PRKN: variants seen among roughly 807,000 people sequenced by gnomAD.
PRKN encodes the protein E3 ubiquitin-protein ligase parkin.
In PRKN, 56 loss-of-function variants were observed where a neutral mutation model predicts 59.5. The ratio of observed to expected loss-of-function variants is 0.94; its 90% CI spans 0.76 to 1.18. The LOEUF (loss-of-function observed/expected upper bound fraction) is 1.18, where lower values mean the gene tolerates loss of function less well. Ranked by LOEUF, PRKN falls within the 50% of genes most tolerant of loss-of-function variation. The pLI is 0.00. For synonymous variants in PRKN, 250 were observed against 222.1 expected (o/e 1.13, Z -1.12); for missense variants, 657 against 596.4 (o/e 1.10, Z -1.06).
At chr6:161,908,653 A>C (rs1013870200) in intron 6 of PRKN, among the ~76,000 whole-genome samples, 3 of 128,538 alleles carry the variant, frequency 2.3e-5, no homozygotes, top group African/African-American at 9.0e-5. Context: ...AAATCAGTGA[A>C]GTTCTTTTCA....
At chr6:162,150,359 T>C (rs1032373560) in intron 4 of PRKN, among the ~76,000 whole-genome samples, 1 of 152,166 alleles carries the variant, frequency 6.6e-6, no homozygotes, top group Non-Finnish European at 1.5e-5. Flanking sequence ...TTTCTGCTCC[T>C]GATTTATATG....
intron 1 of PRKN, among the ~76,000 whole-genome samples, chr6:162,644,343 A>G (rs1014799818): frequency 4.6e-5 from 7 of 152,158 alleles, no homozygotes; most frequent in Admixed American, 4.6e-4. Flanking sequence ...ACTTGGCAGT[A>G]GCAATCAGGG....
At chr6:162,039,985 A>G (rs1190334868) in intron 5 of PRKN, among the ~76,000 whole-genome samples, 1 of 152,216 alleles carries the variant, frequency 6.6e-6, no homozygotes, top group African/African-American at 2.4e-5. Context: ...TTTAAACAGG[A>G]TTAAATTAAA....
chr6:162,651,548 T>C (rs901295430), intron 1 of PRKN, among the ~76,000 whole-genome samples: 1 of 152,168 alleles, frequency 6.6e-6, no homozygotes, highest in South Asian at 2.1e-4. Context: ...CCGTACCGAA[T>C]TGGTAATTAT....
At chr6:161,861,721 ACAATCTGTTTTTTC>A (rs1300939000) in intron 6 of PRKN, among the ~76,000 whole-genome samples, 1 of 151,968 alleles carries the variant, frequency 6.6e-6, no homozygotes, top group Non-Finnish European at 1.5e-5. Context: ...GAAATGTCTC[ACAATCTGTTTTTTC>A]CATTCAACTA....
intron 9 of PRKN, among the ~76,000 whole-genome samples, chr6:161,481,179 AT>A (rs1791377819): frequency 1.3e-5 from 2 of 152,210 alleles, no homozygotes; most frequent in Admixed American, 1.3e-4. Context: ...CCGTATCAAG[AT>A]TTTTTTAGAA....
chr6:161,895,337 T>C (rs759349473), intron 6 of PRKN, among the ~76,000 whole-genome samples: 1 of 152,138 alleles, frequency 6.6e-6, no homozygotes. Flanking sequence ...ACCCCTTCCA[T>C]GGAGGGCTCA....
At chr6:162,279,473 G>GAGAAA (rs60648529) in intron 2 of PRKN, among the ~76,000 whole-genome samples, 59 of 151,906 alleles carry the variant, frequency 3.9e-4, no homozygotes, top group South Asian at 8.3e-4. Flanking sequence ...GAGAAGAGAA[G>GAGAAA]AGAAAAGAAA....
chr6:162,228,565 T>C (rs1352571776), intron 3 of PRKN, among the ~76,000 whole-genome samples: 7 of 152,208 alleles, frequency 4.6e-5, no homozygotes, highest in Non-Finnish European at 1.0e-4. Flanking sequence ...TCTTAGTCCA[T>C]TGATCACTCA....
chr6:161,731,897 AGGT>A (rs1787728568), intron 7 of PRKN, among the ~76,000 whole-genome samples: 1 of 152,188 alleles, frequency 6.6e-6, no homozygotes. Flanking sequence ...CTTGGTAGAA[AGGT>A]GTATGTTTCA....
At chr6:161,927,597 CAT>C (rs773528843) in intron 6 of PRKN, among the ~76,000 whole-genome samples, 3 of 151,898 alleles carry the variant, frequency 2.0e-5, no homozygotes, top group African/African-American at 4.8e-5. Flanking sequence ...TTAAAAGAAA[CAT>C]ATTTTAGGAA....
intron 3 of PRKN, among the ~76,000 whole-genome samples, chr6:162,219,748 C>T (rs1050524645): frequency 1.3e-5 from 2 of 152,056 alleles, no homozygotes; most frequent in African/African-American, 2.4e-5. Flanking sequence ...TGAGTAAATA[C>T]ATTTTAGAGA....
intron 7 of PRKN, among the ~76,000 whole-genome samples, chr6:161,648,770 T>G (rs1037043764): frequency 6.6e-6 from 1 of 152,196 alleles, no homozygotes; most frequent in Non-Finnish European, 1.5e-5. Flanking sequence ...AACTTAAGCA[T>G]TCAAGCCCAG....
chr6:161,743,308 C>T (rs2128192021), intron 7 of PRKN, among the ~76,000 whole-genome samples: 1 of 147,642 alleles, frequency 6.8e-6, no homozygotes, highest in South Asian at 2.2e-4. Flanking sequence ...CAAGCTCCGC[C>T]TCCCGGGTTC....
intron 7 of PRKN, among the ~76,000 whole-genome samples, chr6:161,644,215 T>C (rs1303459346): frequency 6.6e-6 from 1 of 152,174 alleles, no homozygotes; most frequent in Non-Finnish European, 1.5e-5. Flanking sequence ...AAAACCCAAA[T>C]TCCCTGACCC....
rs1024359585 is a variant in PRKN, at chr6:161,525,801, G to C, written c.1083+23053C>G. Among the ~76,000 whole-genome samples, 3 of 152,040 alleles carry C rather than the reference G, an allele frequency of 2.0e-5. No individual in the cohort carries two copies. Among genetic ancestry groups the C allele is most frequent in the African/African-American group, 7.2e-5 (3 of 41,408 alleles). ...TAATTATAGATGCTAAAAATGTTCT[G>C]TATACTACTTGGCTATAGAATAGCC... is the stretch of plus-strand genomic sequence containing the variant. On this transcript the variant is annotated intron_variant, in intron 9 of 11. Transcript: ENST00000366898. The surrounding 1 kb of genome is among the most constrained non-coding windows in gnomAD (Gnocchi z 4.7).
In PRKN at chr6:161,357,169, A is replaced by G. The variant is rs1784789653; in HGVS notation, c.1285+2919T>C. On this transcript the variant is annotated intron_variant, in intron 11 of 11. Transcript: ENST00000366898. The surrounding 1 kb of genome is among the most constrained non-coding windows in gnomAD (Gnocchi z 5.5). ...CAGGTTCAAGTAATTCTCCTGCCTC[A>G]GGTTCCCAAGCAGTTGGGACTACAG... is the stretch of plus-strand genomic sequence containing the variant. Among the ~76,000 whole-genome samples the G allele has an allele frequency of 6.7e-6, 1 of 150,108 alleles. No individual in the cohort carries two copies. The highest frequency in any genetic ancestry group is 2.5e-5 in the African/African-American group (1 of 40,564).
intron 2 of PRKN, among the ~76,000 whole-genome samples, chr6:162,307,485 T>A (rs1178504051): frequency 1.3e-5 from 2 of 150,756 alleles, no homozygotes; most frequent in African/African-American, 2.4e-5. Context: ...TAATAAATTA[T>A]GTATTACAAA....
intron 4 of PRKN, among the ~76,000 whole-genome samples, chr6:162,151,703 T>A (rs1782277499): frequency 6.6e-6 from 1 of 152,188 alleles, no homozygotes; most frequent in Non-Finnish European, 1.5e-5. Context: ...ACTGGCTGAT[T>A]CACGTCTTGC....
Sources: allele counts gnomAD v4.1 joint callset (sites outside exome capture counted in the v4.1 genomes callset), GRCh38; gene constraint gnomAD v4.1.1; non-coding constraint Gnocchi (gnomAD v3.1); transcripts MANE v1.5; gene names NCBI Gene and HGNC (gene_info 2026-07-23, HGNC 2026-07-21).